The following CHST15 variants were observed in gnomAD, a reference collection of about 807,000 sequenced individuals.
CHST15 encodes B cell RAG associated protein (GALNAC4S-6ST).
In CHST15, 30 loss-of-function variants were observed where a neutral mutation model predicts 53.6. The ratio of observed to expected loss-of-function variants is 0.56; its 90% CI spans 0.42 to 0.76. The LOEUF is 0.76. Among genes scored for constraint, CHST15 ranks in the 30% least tolerant of loss-of-function variants. CHST15 has a pLI of 0.00. For missense variants in CHST15, 627 were observed against 740.5 expected, an observed-to-expected ratio of 0.85 and a Z score of 1.78; for synonymous variants, 296 against 289.8, an observed-to-expected ratio of 1.02 and a Z score of -0.22.
chr10:124,030,060 C>T (rs1443504973), intron 5 of CHST15, among the ~76,000 whole-genome samples: 1 of 152,250 alleles, frequency 6.6e-6, no homozygotes, highest in East Asian at 1.9e-4. Context: ...AAACATTTCC[C>T]CAAAACATAA....
At chr10:124,081,323 A>C (rs1471167614) in intron 1 of CHST15, among the ~76,000 whole-genome samples, 1 of 151,974 alleles carries the variant, frequency 6.6e-6, no homozygotes, top group African/African-American at 2.4e-5. Context: ...TAAAGAGCTT[A>C]ACGAATCCAG....
At position 124,042,372 on chromosome 10, in the gene CHST15, G is replaced by A. The variant is rs376959811; in HGVS notation, c.962C>T (p.Ala321Val). 59 of 1,614,100 alleles carry A rather than the reference G, an allele frequency of 3.7e-5. No homozygotes were observed. The highest frequency in any genetic ancestry group is 5.0e-5 in the Admixed American group (3 of 60,010). The change falls in exon 4 of 8, where the codon GCA becomes GTA. Residue 321 changes from alanine to valine, a missense_variant. Coordinates refer to ENST00000435907, the MANE Select transcript of CHST15 (RefSeq NM_001270764.2). Reference protein sequence around the residue: ...EDYLDLFDLAAHQIHQGLQAS... With the variant: ...EDYLDLFDLAVHQIHQGLQAS... The stretch of plus-strand genomic sequence containing the variant: ...CTGCAGTCCTTGATGGATCTGGTGT[G>A]CGGCCAGGTCAAAGAGGTCCAGATA...
At chr10:124,079,496 T>C (rs1053799821) in intron 1 of CHST15, among the ~76,000 whole-genome samples, 15 of 152,170 alleles carry the variant, frequency 9.9e-5, no homozygotes, top group Non-Finnish European at 1.6e-4. Flanking sequence ...AGGTTCAGGG[T>C]GTCCTGATGC....
At chr10:124,052,557 C>G (rs997312975) in intron 1 of CHST15, among the ~76,000 whole-genome samples, 1 of 152,198 alleles carries the variant, frequency 6.6e-6, no homozygotes, top group Non-Finnish European at 1.5e-5. Flanking sequence ...AGCAACAGAT[C>G]ACGTACAGCA....
chr10:124,009,248 C>T lies in CHST15; in HGVS notation c.*901G>A. The T allele has an allele frequency of 8.2e-6, 9 of 1,091,784 alleles. No homozygotes were observed. Among genetic ancestry groups the T allele is most frequent in the Non-Finnish European group, 1.0e-5 (9 of 886,808 alleles). 67.6% of individuals were successfully genotyped at this position (1,091,784 alleles called of 1,614,324 possible). A position where few individuals can be genotyped will look rare whatever the true frequency, so the allele number is the denominator to read the frequency against. On this transcript the variant is annotated 3_prime_UTR_variant, in exon 8 of 8. Coordinates refer to ENST00000435907, the MANE Select transcript of CHST15 (RefSeq NM_001270764.2). ...AGAAGTGTTCAATTCCTTGAGGTTGCTCATTCTGGCATTAACAGCAAAAAT... is the reference window on the plus strand; with the variant it reads ...AGAAGTGTTCAATTCCTTGAGGTTGTTCATTCTGGCATTAACAGCAAAAAT...
chr10:124,028,149 T>C (rs1947083524), intron 5 of CHST15, among the ~76,000 whole-genome samples: 1 of 152,162 alleles, frequency 6.6e-6, no homozygotes, highest in South Asian at 2.1e-4. Flanking sequence ...GCAAATGTGT[T>C]TACGGAACAT....
At chr10:124,027,023 C>T (rs1187776348) in intron 5 of CHST15, among the ~76,000 whole-genome samples, 1 of 152,172 alleles carries the variant, frequency 6.6e-6, no homozygotes. Context: ...TGCCCAGCCC[C>T]CTCCAGCTGA....
chr10:124,019,741 G>A lies in CHST15; in HGVS notation c.1347+1515C>T. 1 of 975,828 alleles carries A rather than the reference G, an allele frequency of 1.0e-6. No homozygotes were observed. Among genetic ancestry groups the A allele is most frequent in the South Asian group, 4.7e-5 (1 of 21,084 alleles). The allele number at this position is 975,828 out of a possible 1,614,324, so 60.4% of individuals were successfully genotyped here. On this transcript the variant is annotated intron_variant, in intron 6 of 7. Transcript: ENST00000435907. This position sits in a 1 kb window ranked among gnomAD's most constrained non-coding sequence, Gnocchi z 4.6. Reference sequence around the variant, plus strand: ...CTTTTCCACTCCTACACTATCTTCTGCTTAAAACCCTCTGAGGGGTCCCAT... The same window carrying A: ...CTTTTCCACTCCTACACTATCTTCTACTTAAAACCCTCTGAGGGGTCCCAT...
chr10:124,045,896 A>T lies in CHST15; in HGVS notation c.317T>A (p.Leu106Gln), dbSNP rs762816153. The T allele has an allele frequency of 6.2e-7, 1 of 1,613,992 alleles. No homozygotes were observed. Among genetic ancestry groups the T allele is most frequent in the Admixed American group, 1.7e-5 (1 of 60,002 alleles). Residue 106 changes from leucine (L) to glutamine (Q), a missense_variant, in exon 2 of 8, where the codon CTG becomes CAG. Transcript: ENST00000435907. ...YILSGAHQELLISSPFHYGGF... is the reference protein window; with the variant it reads ...YILSGAHQELQISSPFHYGGF... Reference sequence around the variant, plus strand: ...TCCGTAATGGAAAGGTGATGAGATCAGAAGCTCTTGGTGGGCCCCAGAAAG... The same window carrying T: ...TCCGTAATGGAAAGGTGATGAGATCTGAAGCTCTTGGTGGGCCCCAGAAAG...
At chr10:124,043,854 G>C (rs1947832381) in intron 3 of CHST15, among the ~76,000 whole-genome samples, 1 of 152,182 alleles carries the variant, frequency 6.6e-6, no homozygotes, top group Admixed American at 6.5e-5. Flanking sequence ...ACTGCAGCTG[G>C]AACAGCACAT....
intron 7 of CHST15, 97 bp downstream of exon 7, chr10:124,012,236 A>C (rs1464805310): frequency 4.9e-6 from 7 of 1,428,268 alleles, no homozygotes; most frequent in Admixed American, 2.1e-5. Flanking sequence ...GCCCATTCCC[A>C]CCCAGCTGAC....
chr10:124,016,249 C>CA (rs1197854509), intron 6 of CHST15, among the ~76,000 whole-genome samples: 1 of 152,096 alleles, frequency 6.6e-6, no homozygotes, highest in Non-Finnish European at 1.5e-5. Context: ...TGAATGACTC[C>CA]AGCAGGGTGT....
rs770933621 is a variant in CHST15, at chr10:124,045,696, A to G, written c.517T>C (p.Leu173=). The change falls in exon 2 of 8, where the codon TTA becomes CTA. Residue 173 remains leucine, a synonymous_variant. Transcript: ENST00000435907. Reference sequence around the variant, plus strand: ...AACTCCTGCTTCTTAAGGTCTTCTAAGTCTGGGAGCTGTCTGGTCGTGAAC... The same window carrying G: ...AACTCCTGCTTCTTAAGGTCTTCTAGGTCTGGGAGCTGTCTGGTCGTGAAC... ...IEFTTRQLPD[L]EDLKKQELHM... 15 of 1,607,664 alleles carry G rather than the reference A, an allele frequency of 9.3e-6. No homozygotes were observed. The highest frequency in any genetic ancestry group is 1.3e-5 in the Non-Finnish European group (15 of 1,176,424).
At chr10:124,083,518 G>A (rs1403190046) in intron 1 of CHST15, among the ~76,000 whole-genome samples, 1 of 151,792 alleles carries the variant, frequency 6.6e-6, no homozygotes, top group Non-Finnish European at 1.5e-5. Context: ...TTTTTGCCTG[G>A]AAGATGTTTC....
At chr10:124,065,944 G>A (rs1404903967) in intron 1 of CHST15, among the ~76,000 whole-genome samples, 1 of 152,076 alleles carries the variant, frequency 6.6e-6, no homozygotes, top group East Asian at 1.9e-4. Flanking sequence ...CCTCCCTTTT[G>A]GATCATTTGC....
Position 124,019,649 on chromosome 10 carries a change from T to C in CHST15, c.1347+1607A>G, listed in dbSNP as rs1322192751. ...ACATGAAATTTACGTTAAACAAGTA[T>C]GTGTGCTTTCTCGCGTTAGTCTTTT... On this transcript the variant is annotated intron_variant, in intron 6 of 7. Coordinates refer to ENST00000435907, the MANE Select transcript of CHST15 (RefSeq NM_001270764.2). This position sits in a 1 kb window ranked among gnomAD's most constrained non-coding sequence, Gnocchi z 4.6. The C allele has an allele frequency of 2.2e-6, 1 of 450,922 alleles. No homozygotes were observed. The highest frequency in any genetic ancestry group is 2.1e-5 in the African/African-American group (1 of 47,056). The allele number at this position is 450,922 out of a possible 1,614,324, so 27.9% of individuals were successfully genotyped here.
intron 1 of CHST15, among the ~76,000 whole-genome samples, chr10:124,054,754 G>C (rs1297660315): frequency 6.6e-6 from 1 of 152,222 alleles, no homozygotes; most frequent in African/African-American, 2.4e-5. Context: ...GTCTCCTACT[G>C]TGGATGTGAG....
intron 1 of CHST15, among the ~76,000 whole-genome samples, chr10:124,089,886 G>C (rs1949554072): frequency 6.6e-6 from 1 of 152,208 alleles, no homozygotes; most frequent in Non-Finnish European, 1.5e-5. Flanking sequence ...TCAGCTGTAG[G>C]ATCTATTTGG....
At chr10:124,010,526 C>G in intron 7 of CHST15, 187 bp from the exon 8 acceptor site, 1 of 985,450 alleles carries the variant, frequency 1.0e-6, no homozygotes, top group Non-Finnish European at 1.2e-6. Flanking sequence ...GAAACACCAT[C>G]AGGAAATTGC....
Sources: gnomAD v4.1 joint callset for allele counts (sites outside exome capture counted in the v4.1 genomes callset) on GRCh38, gnomAD v4.1.1 for gene constraint, Gnocchi (gnomAD v3.1) non-coding constraint, MANE v1.5 for transcripts, NCBI Gene and HGNC (gene_info 2026-07-23, HGNC 2026-07-21) for gene names.